The following SLC6A16 variants were observed in gnomAD, a reference collection of about 807,000 sequenced individuals.
The protein encoded by SLC6A16 is orphan sodium- and chloride-dependent neurotransmitter transporter NTT5.
SLC6A16 carries 54 observed loss-of-function variants against 65.4 expected under a neutral mutation model. That is an observed-to-expected ratio of 0.83 (90% CI 0.66 to 1.04). The LOEUF is 1.04. Among genes scored for constraint, SLC6A16 ranks in the 50% least tolerant of loss-of-function variants. The pLI is 0.00. For missense variants in SLC6A16, 816 were observed against 914.0 expected (o/e 0.89, Z 1.38); for synonymous variants, 330 against 346.5 (o/e 0.95, Z 0.53).
the SLC6A16 span, chr19:49,332,175 G>A: frequency 2.2e-6 from 1 of 456,622 alleles, no homozygotes; most frequent in Non-Finnish European, 4.4e-6. Context: ...GGAGTTCCTT[G>A]GCTTGTGGCT....
chr19:49,338,744 C>T, the SLC6A16 span: 1 of 1,613,316 alleles, frequency 6.2e-7, no homozygotes, highest in Non-Finnish European at 8.5e-7. The surrounding 1 kb of genome is among the most constrained non-coding windows in gnomAD (Gnocchi z 5.0). Context: ...GGTTCCAAGT[C>T]CTCATCCTGA....
At chr19:49,322,146 T>C (rs1970721962) in intron 1 of SLC6A16, among the ~76,000 whole-genome samples, 1 of 152,054 alleles carries the variant, frequency 6.6e-6, no homozygotes, top group Non-Finnish European at 1.5e-5. Flanking sequence ...ACTAGAAAGA[T>C]TATATGATCT....
At chr19:49,308,630 G>C (rs1040123311) in intron 7 of SLC6A16, among the ~76,000 whole-genome samples, 2 of 152,048 alleles carry the variant, frequency 1.3e-5, no homozygotes. Flanking sequence ...TCCACTCTGA[G>C]GTGGATAGCT....
intron 3 of SLC6A16, 72 bp downstream of exon 3, chr19:49,310,281 C>A: frequency 1.2e-6 from 2 of 1,602,882 alleles, no homozygotes; most frequent in Non-Finnish European, 1.7e-6. Flanking sequence ...ATTCACAGGG[C>A]GCATTTCAGG....
upstream of SLC6A16, among the ~76,000 whole-genome samples, chr19:49,326,370 G>A (rs1259091427): frequency 6.6e-6 from 1 of 152,054 alleles, no homozygotes; most frequent in Non-Finnish European, 1.5e-5. Flanking sequence ...GAAAGTGAAA[G>A]GCAAATAATA....
At chr19:49,337,515 G>A in the SLC6A16 span, 1 of 725,698 alleles carries the variant, frequency 1.4e-6, no homozygotes, top group Admixed American at 3.1e-5. Flanking sequence ...CCAGCTACTT[G>A]GGAGGTCGAG....
At chr19:49,320,563 G>T (rs1964575750) in intron 1 of SLC6A16, among the ~76,000 whole-genome samples, 1 of 151,558 alleles carries the variant, frequency 6.6e-6, no homozygotes, top group Admixed American at 6.6e-5. Context: ...AAAAACAATA[G>T]AGAAGCCAAA....
chr19:49,337,385 C>G, the SLC6A16 span: 15 of 749,390 alleles, frequency 2.0e-5, no homozygotes, highest in South Asian at 2.6e-4. Context: ...ATCCCATAAT[C>G]CCAGCACTTT....
chr19:49,334,628 C>T, the SLC6A16 span, among the ~76,000 whole-genome samples: 1 of 151,736 alleles, frequency 6.6e-6, no homozygotes, highest in Non-Finnish European at 1.5e-5. Flanking sequence ...TCCAGGAGTT[C>T]CAGACCAGCC....
intron 2 of SLC6A16, 42 bp from the exon 3 acceptor site, chr19:49,310,552 C>T (rs1359778912): frequency 6.2e-7 from 1 of 1,610,900 alleles, no homozygotes. Context: ...ACCATGTGGC[C>T]TTTCAGTGCC....
rs532006512 is a variant in SLC6A16, at chr19:49,310,577, C to T, written c.416-67G>A. 28 of 1,571,780 alleles carry T rather than the reference C, an allele frequency of 1.8e-5. No individual in the cohort carries two copies. In the South Asian group the frequency reaches 3.2e-4, roughly 18 times the overall value. Reference sequence around the variant, plus strand: ...CTTTCAGTGCCTGGACTCCAGGAGCCCAGGAAAACATTCTCCCTACCAGCG... The same window carrying T: ...CTTTCAGTGCCTGGACTCCAGGAGCTCAGGAAAACATTCTCCCTACCAGCG... On this transcript the variant is annotated intron_variant, in intron 2 of 11. Transcript: ENST00000335875.
intron 8 of SLC6A16, 113 bp downstream of exon 8, chr19:49,294,254 C>T (rs1970140187): frequency 9.3e-7 from 1 of 1,080,014 alleles, no homozygotes; most frequent in East Asian, 2.6e-5. Flanking sequence ...CTGAGAGCCA[C>T]AGATGATTCT....
chr19:49,313,048 A>G (rs999256195), intron 1 of SLC6A16, among the ~76,000 whole-genome samples: 2 of 130,662 alleles, frequency 1.5e-5, no homozygotes, highest in African/African-American at 6.4e-5. Context: ...GCACGACTGC[A>G]CTCCAGCCTG....
chr19:49,325,248 A>G (rs1304492275), upstream of SLC6A16: 1 of 984,732 alleles, frequency 1.0e-6, no homozygotes, highest in Non-Finnish European at 1.2e-6. Context: ...GCGCCCCCTC[A>G]CTCTTTCCCT....
At chr19:49,335,783 G>A in the SLC6A16 span, 2 of 1,611,856 alleles carry the variant, frequency 1.2e-6, no homozygotes, top group Non-Finnish European at 8.5e-7. This position sits in a 1 kb window ranked among gnomAD's most constrained non-coding sequence, Gnocchi z 4.6. Context: ...CGTGTCCTTT[G>A]TGGGTGAGGG....
upstream of SLC6A16, among the ~76,000 whole-genome samples, chr19:49,325,927 G>A (rs1036868556): frequency 6.6e-6 from 1 of 152,002 alleles, no homozygotes; most frequent in African/African-American, 2.4e-5. Flanking sequence ...ACTTTGGGAG[G>A]CCAAGGCGGG....
Position 49,311,114 on chromosome 19 carries a change from T to C in SLC6A16, c.234A>G (p.Ser78=). 1 of 1,614,250 alleles carries C rather than the reference T, an allele frequency of 6.2e-7. No homozygotes were observed. The highest frequency in any genetic ancestry group is 8.5e-7 in the Non-Finnish European group (1 of 1,180,040). The change falls in exon 2 of 12, where the codon TCA becomes TCG. Residue 78 remains serine, a synonymous_variant. Transcript: ENST00000335875. ...CATGCGTGGGTTTCTGGTTCAGGGC[T>C]GAGGCAGTTAACGCCTCCAATACAG... ...QISVLEALTA[S]ALNQKPTHEK...
At chr19:49,340,131 C>G in the SLC6A16 span, 1 of 1,534,464 alleles carries the variant, frequency 6.5e-7, no homozygotes, top group East Asian at 2.3e-5. Context: ...CTATCCCCTT[C>G]TCCAGCCCCT....
At chr19:49,317,686 G>T (rs1970637345) in intron 1 of SLC6A16, among the ~76,000 whole-genome samples, 1 of 151,888 alleles carries the variant, frequency 6.6e-6, no homozygotes, top group South Asian at 2.1e-4. Flanking sequence ...GGCGCCTGTA[G>T]TCCCAGCTAC....
Sources: allele counts gnomAD v4.1 joint callset (sites outside exome capture counted in the v4.1 genomes callset), GRCh38; gene constraint gnomAD v4.1.1; non-coding constraint Gnocchi (gnomAD v3.1); transcripts MANE v1.5; gene names NCBI Gene and HGNC (gene_info 2026-07-23, HGNC 2026-07-21).